FTO: variants seen among roughly 807,000 people sequenced by gnomAD.
The protein encoded by FTO is FTO alpha-ketoglutarate dependent dioxygenase, also known as alpha-ketoglutarate-dependent dioxygenase FTO.
Under a neutral mutation model 63.9 loss-of-function variants are expected in FTO, and 47 were observed. The observed-to-expected ratio is 0.74, with a 90% CI of 0.58 to 0.94. FTO has a LOEUF of 0.94. Among genes scored for constraint, FTO ranks in the 40% least tolerant of loss-of-function variants. The pLI is 0.00. For synonymous variants in FTO, 207 were observed against 224.4 expected (o/e 0.92, Z 0.69); for missense variants, 562 against 618.1 (o/e 0.91, Z 0.96).
chr16:53,931,402 G>A (rs972384577), intron 7 of FTO, among the ~76,000 whole-genome samples: 2 of 150,280 alleles, frequency 1.3e-5, no homozygotes, highest in African/African-American at 4.9e-5. Flanking sequence ...CGCCTCCTGG[G>A]TTCAAGCAAT....
At chr16:53,885,758 T>C (rs533160693) in intron 6 of FTO, among the ~76,000 whole-genome samples, 2 of 152,188 alleles carry the variant, frequency 1.3e-5, no homozygotes, top group Non-Finnish European at 1.5e-5. Flanking sequence ...ATATTCCTTT[T>C]TTCTTTTAGA....
chr16:53,978,320 G>T (rs1265131943), intron 8 of FTO, among the ~76,000 whole-genome samples: 2 of 152,148 alleles, frequency 1.3e-5, no homozygotes, highest in East Asian at 3.9e-4. Flanking sequence ...TGGATGCCAG[G>T]AGTCCTAAGC....
chr16:53,726,521 T>C (rs959032765), intron 1 of FTO, among the ~76,000 whole-genome samples: 2 of 152,174 alleles, frequency 1.3e-5, no homozygotes, highest in East Asian at 3.8e-4. Flanking sequence ...CTTAAAACCA[T>C]GGCTGAGGAG....
intron 8 of FTO, among the ~76,000 whole-genome samples, chr16:54,089,599 C>T (rs574211146): frequency 1.4e-4 from 22 of 152,044 alleles, no homozygotes; most frequent in South Asian, 6.2e-4. Context: ...AAAAAAATAG[C>T]GTATAGAATG....
At chr16:53,720,125 G>A (rs1295020290) in intron 1 of FTO, among the ~76,000 whole-genome samples, 2 of 151,898 alleles carry the variant, frequency 1.3e-5, no homozygotes, top group Non-Finnish European at 2.9e-5. Context: ...GTGGTTGGAG[G>A]GCTAAACTTG....
rs116080010 is a variant in FTO, at chr16:53,848,015, C to A, written c.895+3717C>A. On this transcript the variant is annotated intron_variant, in intron 4 of 8. Coordinates refer to ENST00000471389, the MANE Select transcript of FTO (RefSeq NM_001080432.3). Reference sequence around the variant, plus strand: ...GTGATATAGTTGGTATCCTACTGAACTGTGCCAAACACAGCACAATATATC... The same window carrying A: ...GTGATATAGTTGGTATCCTACTGAAATGTGCCAAACACAGCACAATATATC... 5.6e-3 allele frequency among the ~76,000 whole-genome samples: 854 copies of A among 152,252 alleles called. 7 individuals are homozygous for A. Among genetic ancestry groups the A allele is most frequent in the African/African-American group, 0.02 (826 of 41,538 alleles).
chr16:53,964,183 C>G (rs1031681806), intron 8 of FTO, among the ~76,000 whole-genome samples: 36 of 152,210 alleles, frequency 2.4e-4, no homozygotes, highest in Non-Finnish European at 1.5e-5. Context: ...GATCAGCAAA[C>G]TTTTTCTTTA....
chr16:53,899,646 A>G (rs1316170799), intron 7 of FTO, among the ~76,000 whole-genome samples: 1 of 152,188 alleles, frequency 6.6e-6, no homozygotes, highest in East Asian at 1.9e-4. Context: ...CCAGGAAAGG[A>G]TGTTCAGATG....
chr16:53,898,618 A>G (rs2081330651), intron 7 of FTO, among the ~76,000 whole-genome samples: 1 of 152,194 alleles, frequency 6.6e-6, no homozygotes, highest in Non-Finnish European at 1.5e-5. Flanking sequence ...TTGTTAAAAG[A>G]AAGAGTTCAC....
chr16:53,850,215 A>G (rs1437755316), intron 4 of FTO, among the ~76,000 whole-genome samples: 1 of 152,166 alleles, frequency 6.6e-6, no homozygotes, highest in East Asian at 1.9e-4. Context: ...AGCACCTGTC[A>G]TGTTTATTTT....
chr16:53,935,012 G>C (rs1599030217), intron 8 of FTO, among the ~76,000 whole-genome samples: 1 of 152,180 alleles, frequency 6.6e-6, no homozygotes, highest in East Asian at 1.9e-4. Context: ...ACTGATGCTT[G>C]CATAGTAAAT....
In FTO at chr16:53,979,720, T is replaced by G. The variant is rs567564988; in HGVS notation, c.1364+45611T>G. Among the ~76,000 whole-genome samples, 8 of 152,298 alleles carry G rather than the reference T, an allele frequency of 5.3e-5. No individual in the cohort carries two copies. In the South Asian group the frequency reaches 1.7e-3, roughly 32 times the overall value. ...CTAACTTTGGGGGCAAAATCCCAAT[T>G]TGGAGGTCAAAAAGAGACCAAAGTC... On this transcript the variant is annotated intron_variant, in intron 8 of 8. Coordinates refer to ENST00000471389, the MANE Select transcript of FTO (RefSeq NM_001080432.3).
chr16:53,986,094 C>A (rs1422762723), intron 8 of FTO, among the ~76,000 whole-genome samples: 3 of 152,164 alleles, frequency 2.0e-5, no homozygotes, highest in African/African-American at 7.2e-5. Context: ...CCATGCATTC[C>A]TGCTCTAAAT....
chr16:53,943,092 A>G (rs1314850400), intron 8 of FTO, among the ~76,000 whole-genome samples: 1 of 152,196 alleles, frequency 6.6e-6, no homozygotes, highest in African/African-American at 2.4e-5. Context: ...CCTTAGCAGA[A>G]GAAAGTTCTT....
At chr16:54,065,039 C>T (rs533729893) in intron 8 of FTO, among the ~76,000 whole-genome samples, 1 of 152,266 alleles carries the variant, frequency 6.6e-6, no homozygotes, top group South Asian at 2.1e-4. Flanking sequence ...TCACAATGGC[C>T]ACTGTCAGGC....
intron 7 of FTO, among the ~76,000 whole-genome samples, chr16:53,898,039 T>C (rs1157881996): frequency 1.3e-5 from 2 of 152,208 alleles, no homozygotes; most frequent in Non-Finnish European, 2.9e-5. Flanking sequence ...GCTTTCCTGC[T>C]TCTACTACCC....
intron 2 of FTO, among the ~76,000 whole-genome samples, chr16:53,823,878 G>A (rs181944629): frequency 5.3e-5 from 8 of 151,964 alleles, no homozygotes; most frequent in Non-Finnish European, 1.0e-4. Context: ...AGAGCGAAAC[G>A]CCATCTCAAA....
intron 1 of FTO, among the ~76,000 whole-genome samples, chr16:53,731,889 A>G (rs1020025948): frequency 6.6e-6 from 1 of 151,342 alleles, no homozygotes; most frequent in Non-Finnish European, 1.5e-5. Context: ...CTGGGACTAC[A>G]GGCTGTTTGT....
chr16:53,909,608 G>C (rs2081633052), intron 7 of FTO, among the ~76,000 whole-genome samples: 1 of 133,122 alleles, frequency 7.5e-6, no homozygotes, highest in East Asian at 2.4e-4. Flanking sequence ...CTGTCACCCA[G>C]GCTGGAGTGC....
Sources: allele counts gnomAD v4.1 joint callset (sites outside exome capture counted in the v4.1 genomes callset), GRCh38; gene constraint gnomAD v4.1.1; transcripts MANE v1.5; gene names NCBI Gene and HGNC (gene_info 2026-07-23, HGNC 2026-07-21).